TCN2: variants seen among roughly 807,000 people sequenced by gnomAD.
TCN2 encodes the protein transcobalamin 2.
TCN2 carries 34 observed loss-of-function variants against 48.6 expected under a neutral mutation model. That is an observed-to-expected ratio of 0.70 (90% CI 0.53 to 0.93). The LOEUF (loss-of-function observed/expected upper bound fraction) is 0.93, where lower values mean the gene tolerates loss of function less well. Among genes scored for constraint, TCN2 ranks in the 40% least tolerant of loss-of-function variants. TCN2 has a pLI of 0.00. For synonymous variants in TCN2, 283 were observed against 212.5 expected, an observed-to-expected ratio of 1.33 and a Z score of -2.89; for missense variants, 652 against 526.1, an observed-to-expected ratio of 1.24 and a Z score of -2.34.
rs948282571 is a variant in TCN2 at position 30,626,911 on chromosome 22, C to T, written c.*390C>T. 2.3e-5 allele frequency: 8 copies of T among 343,774 alleles called. No homozygotes were observed. Among genetic ancestry groups the T allele is most frequent in the East Asian group, 6.9e-5 (1 of 14,560 alleles). 21.3% of individuals were successfully genotyped at this position (343,774 alleles called of 1,614,324 possible). A position where few individuals can be genotyped will look rare whatever the true frequency, so the allele number is the denominator to read the frequency against. On this transcript the variant is annotated 3_prime_UTR_variant, in exon 9 of 9. Transcript: ENST00000215838. ...GTCCTGCAAGAAGGCCTCCTCAGCC[C>T]GGGGGCTATGGCCCTGACCCCAGCT...
In TCN2 at chr22:30,615,623, G is replaced by C. The variant is rs1801198; in HGVS notation, c.776G>C (p.Arg259Pro). The change falls in exon 6 of 9, where the codon CGT becomes CCT. Residue 259 changes from arginine to proline, a missense_variant. By Grantham distance (103) the Arg-to-Pro change is moderately radical (BLOSUM62 -2). Coordinates refer to ENST00000215838, the MANE Select transcript of TCN2 (RefSeq NM_000355.4). The part of the protein sequence containing the change: ...ALQFLMTSPM[R>P]GAELGTACLK... ...CAGTTCCTCATGACTTCCCCCATGC[G>C]TGGGGCAGAACTGGGAACAGCATGT... 906,182 of 1,613,732 alleles carry C rather than the reference G, an allele frequency of 0.56. 258,781 individuals are homozygous for C. The highest frequency in any genetic ancestry group is 0.77 in the African/African-American group (57,591 of 74,966).
chr22:30,623,433 A>G (rs1385410234), intron 8 of TCN2: 2 of 208,840 alleles, frequency 9.6e-6, no homozygotes, highest in Admixed American at 1.1e-4. Flanking sequence ...GCTCGCTGCA[A>G]CCTCCGCCTC....
chr22:30,615,645 A>G lies in TCN2; in HGVS notation c.798A>G (p.Ala266=). The change falls in exon 6 of 9, where the codon GCA becomes GCG. Residue 266 remains alanine (A), a synonymous_variant. Transcript: ENST00000215838. ...SPMRGAELGT[A]CLKARVALLA... ...TGCGTGGGGCAGAACTGGGAACAGC[A>G]TGTCTCAAGGCGAGGGTTGCTTTGC... 2 of 1,614,086 alleles carry G rather than the reference A, an allele frequency of 1.2e-6. No homozygotes were observed. Among genetic ancestry groups the G allele is most frequent in the Non-Finnish European group, 1.7e-6 (2 of 1,180,016 alleles).
chr22:30,608,556 T>G (rs2087486811), intron 1 of TCN2, among the ~76,000 whole-genome samples: 1 of 152,156 alleles, frequency 6.6e-6, no homozygotes, highest in Non-Finnish European at 1.5e-5. Context: ...GCTTGGCTAA[T>G]TTTTGTATTT....
intron 3 of TCN2, among the ~76,000 whole-genome samples, chr22:30,613,263 G>A (rs142769357): frequency 8.5e-5 from 13 of 152,138 alleles, no homozygotes; most frequent in African/African-American, 2.4e-4. Flanking sequence ...GGTGTGTTTC[G>A]TGGTTTTTTG....
chr22:30,625,736 T>G (rs2087797936), intron 8 of TCN2, among the ~76,000 whole-genome samples: 1 of 152,146 alleles, frequency 6.6e-6, no homozygotes, highest in Non-Finnish European at 1.5e-5. Context: ...AGTGCTGGGA[T>G]TCTAGGTATG....
intron 7 of TCN2, among the ~76,000 whole-genome samples, chr22:30,621,245 C>T (rs144881962): frequency 3.4e-4 from 52 of 152,132 alleles, no homozygotes; most frequent in African/African-American, 1.1e-3. Flanking sequence ...CACCCACCTC[C>T]GCCTCCTCAA....
At position 30,607,380 on chromosome 22, in the gene TCN2, C is replaced by G. The variant is rs759462885; in HGVS notation, c.49C>G (p.Leu17Val). The change falls in exon 1 of 9, where the codon CTC becomes GTC. Residue 17 changes from leucine (L) to valine (V), a missense_variant. Coordinates refer to ENST00000215838, the MANE Select transcript of TCN2 (RefSeq NM_000355.4). ...CTTCCTTCTGGGGGTCCTGGGGGCC[C>G]TCACTGAGATGTGTGGTGAGTAACT... ...FLFLLGVLGA[L>V]TEMCEIPEMD... 15 of 1,614,048 alleles carry G rather than the reference C, an allele frequency of 9.3e-6. No homozygotes were observed. The Admixed American group carries it at 1.0e-4, about 11-fold the overall frequency.
rs952865123 is a variant in TCN2, at chr22:30,617,270, A to T, written c.941-60A>T. On this transcript the variant is annotated intron_variant, in intron 6 of 8. Coordinates refer to ENST00000215838, the MANE Select transcript of TCN2 (RefSeq NM_000355.4). ...GGTGTCCTTGAGGGAAGACAAGAAGACAAATAATCCAGGCTCTCTGTCCTC... is the reference window on the plus strand; with the variant it reads ...GGTGTCCTTGAGGGAAGACAAGAAGTCAAATAATCCAGGCTCTCTGTCCTC... 2.5e-6 allele frequency: 4 copies of T among 1,611,238 alleles called. No homozygotes were observed. The East Asian group carries it at 6.7e-5, about 27-fold the overall frequency.
intron 3 of TCN2, among the ~76,000 whole-genome samples, chr22:30,613,793 C>T (rs915332507): frequency 6.6e-6 from 1 of 152,156 alleles, no homozygotes; most frequent in Non-Finnish European, 1.5e-5. Context: ...TCGCACTGCT[C>T]CATGGCCCAG....
intron 3 of TCN2, 98 bp downstream of exon 3, chr22:30,613,140 G>A (rs985336538): frequency 9.3e-6 from 14 of 1,504,644 alleles, no homozygotes; most frequent in African/African-American, 6.9e-5. Context: ...TTCTCCCCAG[G>A]CGTCTTTCCC....
chr22:30,620,290 A>C (rs1424087968), intron 7 of TCN2, among the ~76,000 whole-genome samples: 2 of 152,346 alleles, frequency 1.3e-5, no homozygotes, highest in East Asian at 1.9e-4. Flanking sequence ...CGTCTCTACC[A>C]CACACAAAAA....
Position 30,626,483 on chromosome 22 carries a change from G to A in TCN2, c.1246G>A (p.Asp416Asn), listed in dbSNP as rs773473997. 8.7e-6 allele frequency: 14 copies of A among 1,614,132 alleles called. No individual in the cohort carries two copies. The Admixed American group carries it at 1.2e-4, about 13-fold the overall frequency. Reference protein sequence around the residue: ...LQGIADYRPKDGETIELRLVS... With the variant: ...LQGIADYRPKNGETIELRLVS... ...AGGTATTGCTGACTACAGACCCAAG[G>A]ATGGAGAAACCATTGAGCTGAGGCT... The change falls in exon 9 of 9, where the codon GAT (aspartate) becomes AAT (asparagine). Residue 416 changes from aspartate to asparagine, a missense_variant. By Grantham distance (23) the Asp-to-Asn change is conservative (BLOSUM62 1). Transcript: ENST00000215838.
At position 30,626,626 on chromosome 22, in the gene TCN2, T is replaced by C; in HGVS notation, c.*105T>C. 7.7e-7 allele frequency: 1 copy of C among 1,305,116 alleles called. No homozygotes were observed. The highest frequency in any genetic ancestry group is 1.1e-6 in the Non-Finnish European group (1 of 915,086). The allele number at this position is 1,305,116 out of a possible 1,614,324, so 80.8% of individuals were successfully genotyped here. On this transcript the variant is annotated 3_prime_UTR_variant, in exon 9 of 9. Transcript: ENST00000215838. ...CTCGCCTGACCCTGCTGCCACCTCC[T>C]GTGCACTTTGAGCAATGCCCCCTGG...
chr22:30,621,876 C>A (rs541942921), intron 7 of TCN2, among the ~76,000 whole-genome samples: 32 of 152,364 alleles, frequency 2.1e-4, no homozygotes, highest in Non-Finnish European at 4.1e-4. Context: ...CCCCGCTCTC[C>A]TCCCTTCTCC....
At chr22:30,612,312 G>C (rs1293301275) in intron 2 of TCN2, among the ~76,000 whole-genome samples, 1 of 152,004 alleles carries the variant, frequency 6.6e-6, no homozygotes, top group Non-Finnish European at 1.5e-5. Flanking sequence ...ACTTTGGGAG[G>C]CCAAGGTAGG....
In TCN2 at chr22:30,623,412, G is replaced by A. The variant is rs1189058138; in HGVS notation, c.1222+329G>A. ...TTGTTGCCCAGGCTGGAGTGCAGCG[G>A]TATGATCTCGGCTCGCTGCAACCTC... is the stretch of plus-strand genomic sequence containing the variant. On this transcript the variant is annotated intron_variant, in intron 8 of 8. Coordinates refer to ENST00000215838, the MANE Select transcript of TCN2 (RefSeq NM_000355.4). 1.5e-5 allele frequency: 4 copies of A among 262,118 alleles called. No homozygotes were observed. The East Asian group carries it at 4.0e-4, about 26-fold the overall frequency. The allele number at this position is 262,118 out of a possible 1,614,324, so 16.2% of individuals were successfully genotyped here.
In TCN2 at chr22:30,614,462, T is replaced by C. The variant is rs1244849533; in HGVS notation, c.541T>C (p.Tyr181His). 6 of 1,614,020 alleles carry C rather than the reference T, an allele frequency of 3.7e-6. No individual in the cohort carries two copies. The African/African-American group carries it at 8.0e-5, about 22-fold the overall frequency. Residue 181 changes from tyrosine (Y) to histidine (H), a missense_variant, in exon 4 of 9, where the codon TAT becomes CAT. Transcript: ENST00000215838. ...TGACAGCGTGGTGGACAAACTTCTG[T>C]ATGCTGTGGAACCTTTCCACCAGGG... Reference protein sequence around the residue: ...VHDSVVDKLLYAVEPFHQGHH... With the variant: ...VHDSVVDKLLHAVEPFHQGHH...
At chr22:30,619,765 A>G (rs993624112) in intron 7 of TCN2, among the ~76,000 whole-genome samples, 1 of 152,210 alleles carries the variant, frequency 6.6e-6, no homozygotes, top group Non-Finnish European at 1.5e-5. Flanking sequence ...GGAGAAATGC[A>G]AAGACTCCTC....
Sources: allele counts gnomAD v4.1 joint callset (sites outside exome capture counted in the v4.1 genomes callset), GRCh38; gene constraint gnomAD v4.1.1; transcripts MANE v1.5; gene names NCBI Gene and HGNC (gene_info 2026-07-23, HGNC 2026-07-21).